The following BICRAL variants were observed in gnomAD, a reference collection of about 807,000 sequenced individuals.
The protein encoded by BICRAL is BICRA like chromatin remodeling complex associated protein.
Under a neutral mutation model 91.8 loss-of-function variants are expected in BICRAL, and 8 were observed. The ratio of observed to expected loss-of-function variants is 0.09; its 90% CI spans 0.05 to 0.16. The LOEUF (loss-of-function observed/expected upper bound fraction) is 0.16, where lower values mean the gene tolerates loss of function less well. Ranked by LOEUF, BICRAL falls within the 10% of genes least tolerant of loss-of-function variation. The probability of loss-of-function intolerance (pLI) is 1.00; values close to 1 mark genes in which losing one functional copy is unlikely to be tolerated. For missense variants in BICRAL, 1,038 were observed against 1,310.9 expected (o/e 0.79, Z 3.21); for synonymous variants, 445 against 491.1 (o/e 0.91, Z 1.24).
chr6:42,790,161 A>G (rs1763228078), intron 1 of BICRAL, among the ~76,000 whole-genome samples: 1 of 151,792 alleles, frequency 6.6e-6, no homozygotes, highest in Non-Finnish European at 1.5e-5. Flanking sequence ...ATTGAGTTTC[A>G]TTTTTTGTTT....
intron 6 of BICRAL, among the ~76,000 whole-genome samples, chr6:42,837,186 A>T (rs1266912132): frequency 1.4e-5 from 2 of 144,576 alleles, no homozygotes; most frequent in East Asian, 4.3e-4. Flanking sequence ...ACCTCAGGTG[A>T]TCTGCCTGCC....
chr6:42,837,908 A>G (rs1337051459), intron 6 of BICRAL, among the ~76,000 whole-genome samples: 1 of 152,138 alleles, frequency 6.6e-6, no homozygotes, highest in African/African-American at 2.4e-5. Context: ...TCACTTTTGT[A>G]TTGGGAAAAC....
chr6:42,847,616 A>G (rs1244797166), intron 6 of BICRAL, among the ~76,000 whole-genome samples: 1 of 151,164 alleles, frequency 6.6e-6, no homozygotes, highest in Non-Finnish European at 1.5e-5. Context: ...CGTCTCTACA[A>G]AAAAATTAAA....
chr6:42,830,907 G>A (rs192978991), intron 6 of BICRAL, among the ~76,000 whole-genome samples: 1 of 152,220 alleles, frequency 6.6e-6, no homozygotes, highest in African/African-American at 2.4e-5. Context: ...CACCACACCC[G>A]ACCTTTTTTC....
At chr6:42,788,008 C>T (rs1242843160) in intron 1 of BICRAL, among the ~76,000 whole-genome samples, 1 of 151,746 alleles carries the variant, frequency 6.6e-6, no homozygotes, top group African/African-American at 2.4e-5. Flanking sequence ...GATCCTCCTA[C>T]CTCAGCCTCT....
intron 12 of BICRAL, among the ~76,000 whole-genome samples, chr6:42,862,827 T>G (rs1765595490): frequency 6.6e-6 from 1 of 152,212 alleles, no homozygotes; most frequent in South Asian, 2.1e-4. Context: ...GAATCATCTT[T>G]TTAGATTTCA....
intron 10 of BICRAL, among the ~76,000 whole-genome samples, chr6:42,857,614 A>AAAAATATATATAT: frequency 8.3e-5 from 8 of 96,218 alleles, no homozygotes; most frequent in African/African-American, 2.6e-4. Context: ...AAAAAAAAAA[A>AAAAATATATATAT]ATATATATAT....
At chr6:42,797,711 T>G (rs1334414641) in intron 1 of BICRAL, among the ~76,000 whole-genome samples, 1 of 152,164 alleles carries the variant, frequency 6.6e-6, no homozygotes, top group Non-Finnish European at 1.5e-5. Context: ...CAGTGACTCA[T>G]ACCTGTAATC....
At chr6:42,786,869 A>G (rs1262835402) in intron 1 of BICRAL, among the ~76,000 whole-genome samples, 1 of 152,202 alleles carries the variant, frequency 6.6e-6, no homozygotes, top group Non-Finnish European at 1.5e-5. Context: ...GGGAGAAATT[A>G]TGAATAGGGT....
chr6:42,776,830 T>C (rs891870157), intron 1 of BICRAL, among the ~76,000 whole-genome samples: 3 of 152,222 alleles, frequency 2.0e-5, no homozygotes, highest in African/African-American at 7.2e-5. Context: ...CTCTAAACCA[T>C]TAGGCTGTAT....
intron 1 of BICRAL, among the ~76,000 whole-genome samples, chr6:42,770,924 C>T (rs1371930784): frequency 2.0e-5 from 3 of 152,122 alleles, no homozygotes; most frequent in African/African-American, 7.2e-5. Flanking sequence ...TCAAGTGATC[C>T]GCCTGCCTCG....
chr6:42,758,076 A>G (rs1562448492), intron 1 of BICRAL, among the ~76,000 whole-genome samples: 5 of 152,156 alleles, frequency 3.3e-5, no homozygotes, highest in Admixed American at 6.5e-5. Context: ...TGGTCCACCC[A>G]GTTGACAAAT....
At chr6:42,837,735 G>A (rs1764683375) in intron 6 of BICRAL, among the ~76,000 whole-genome samples, 1 of 149,978 alleles carries the variant, frequency 6.7e-6, no homozygotes, top group Non-Finnish European at 1.5e-5. Context: ...CTGGGTGACA[G>A]AGCAAGACTC....
At chr6:42,839,902 A>T (rs2113981662) in intron 6 of BICRAL, among the ~76,000 whole-genome samples, 1 of 152,316 alleles carries the variant, frequency 6.6e-6, no homozygotes, top group East Asian at 1.9e-4. Context: ...TCAAACCTGG[A>T]ATCAGCCATT....
chr6:42,825,722 C>CAA (rs58275278), intron 5 of BICRAL, among the ~76,000 whole-genome samples: 8 of 149,902 alleles, frequency 5.3e-5, no homozygotes, highest in Admixed American at 1.3e-4. Context: ...GACCCTATCT[C>CAA]AAAAAAAAGA....
At chr6:42,772,655 C>T (rs1762754346) in intron 1 of BICRAL, among the ~76,000 whole-genome samples, 2 of 152,140 alleles carry the variant, frequency 1.3e-5, no homozygotes, top group Admixed American at 1.3e-4. Context: ...TTGCAATAAA[C>T]ATCCCTGGGC....
At chr6:42,802,554 T>C (rs1267910250) in intron 1 of BICRAL, among the ~76,000 whole-genome samples, 2 of 152,108 alleles carry the variant, frequency 1.3e-5, no homozygotes, top group Non-Finnish European at 2.9e-5. Context: ...GTTCAAGCGA[T>C]TCTCCTGCCT....
At chr6:42,761,425 G>T (rs1762545840) in intron 1 of BICRAL, among the ~76,000 whole-genome samples, 1 of 152,138 alleles carries the variant, frequency 6.6e-6, no homozygotes, top group Non-Finnish European at 1.5e-5. Context: ...ATCCAGCCTG[G>T]GCAGCAGAGC....
intron 2 of BICRAL, among the ~76,000 whole-genome samples, chr6:42,813,667 C>G (rs557627185): frequency 6.6e-6 from 1 of 151,960 alleles, no homozygotes; most frequent in Non-Finnish European, 1.5e-5. Flanking sequence ...ATTACAGGTG[C>G]GCACCACCAT....
Sources: allele counts gnomAD v4.1 joint callset (sites outside exome capture counted in the v4.1 genomes callset), GRCh38; gene constraint gnomAD v4.1.1; transcripts MANE v1.5; gene names NCBI Gene and HGNC (gene_info 2026-07-23, HGNC 2026-07-21).